KRCC1: variants seen among roughly 807,000 people sequenced by gnomAD.
The protein encoded by KRCC1 is lysine rich coiled-coil 1.
In KRCC1, 3 loss-of-function variants were observed where a neutral mutation model predicts 7.4. The observed-to-expected ratio is 0.40, with a 90% confidence interval of 0.18 to 1.04. The LOEUF is 1.04. Among genes scored for constraint, KRCC1 ranks in the 50% least tolerant of loss-of-function variants. The pLI is 0.33. For missense variants in KRCC1, 277 were observed against 300.9 expected (o/e 0.92, Z 0.59); for synonymous variants, 102 against 101.6 (o/e 1.00, Z -0.02).
intron 1 of KRCC1, 149 bp downstream of exon 1, chr2:88,055,477 G>C (rs1383962142): frequency 6.6e-6 from 1 of 152,102 alleles, no homozygotes; most frequent in Non-Finnish European, 1.5e-5. Context: ...CGGCCGGTGA[G>C]GGGTGCGCGG....
intron 3 of KRCC1, among the ~76,000 whole-genome samples, chr2:88,029,600 A>G (rs1373528931): frequency 6.6e-6 from 1 of 151,950 alleles, no homozygotes; most frequent in Non-Finnish European, 1.5e-5. Context: ...CTCTTAAAGT[A>G]CTGGTGAGAG....
chr2:88,051,655 A>G (rs1024221208), intron 1 of KRCC1, among the ~76,000 whole-genome samples: 3 of 152,206 alleles, frequency 2.0e-5, no homozygotes, highest in Non-Finnish European at 2.9e-5. Flanking sequence ...GGTAACAATT[A>G]TATTGTTTTT....
chr2:88,032,521 C>T (rs1184979639), intron 3 of KRCC1, among the ~76,000 whole-genome samples: 1 of 152,054 alleles, frequency 6.6e-6, no homozygotes, highest in Non-Finnish European at 1.5e-5. Flanking sequence ...GATGTTTGCC[C>T]AATGAGAAAA....
rs1046409737 is a variant in KRCC1 at position 88,040,035 on chromosome 2, C to A, written c.-290-2984G>T. On this transcript the variant is annotated intron_variant, in intron 1 of 3. Transcript: ENST00000347055. ...AATCTTTAATAAGAACAGGTAAATACTGTCTTTTGGTGACAAACAAATCAG... is the reference window on the plus strand; with the variant it reads ...AATCTTTAATAAGAACAGGTAAATAATGTCTTTTGGTGACAAACAAATCAG... Among the ~76,000 whole-genome samples the A allele has an allele frequency of 6.6e-5, 10 of 152,114 alleles. No homozygotes were observed. In the East Asian group the frequency reaches 1.7e-3, roughly 26 times the overall value.
chr2:88,027,751 A>G lies in KRCC1; in HGVS notation c.*33T>C. On this transcript the variant is annotated 3_prime_UTR_variant, in exon 4 of 4. Coordinates refer to ENST00000347055, the MANE Select transcript of KRCC1 (RefSeq NM_016618.3). ...AAACCAAGCTCTCACCTATTTTTTCAATTTAACTTTGGGAGAACCAACTTT... is the reference window on the plus strand; with the variant it reads ...AAACCAAGCTCTCACCTATTTTTTCGATTTAACTTTGGGAGAACCAACTTT... 2.6e-6 allele frequency: 4 copies of G among 1,536,274 alleles called. No homozygotes were observed. The highest frequency in any genetic ancestry group is 3.5e-6 in the Non-Finnish European group (4 of 1,147,176).
chr2:88,036,575 T>C, intron 2 of KRCC1, among the ~76,000 whole-genome samples: 1 of 152,172 alleles, frequency 6.6e-6, no homozygotes, highest in Non-Finnish European at 1.5e-5. Context: ...GTTGTAACCT[T>C]TGATTAATTT....
chr2:88,051,671 T>C (rs1673490557), intron 1 of KRCC1, among the ~76,000 whole-genome samples: 1 of 152,240 alleles, frequency 6.6e-6, no homozygotes, highest in African/African-American at 2.4e-5. Context: ...TTTTTGAAAT[T>C]CTAGTGAATA....
At chr2:88,054,770 T>C (rs1673575237) in intron 1 of KRCC1, among the ~76,000 whole-genome samples, 1 of 152,212 alleles carries the variant, frequency 6.6e-6, no homozygotes, top group Non-Finnish European at 1.5e-5. Flanking sequence ...TTTCAACGCT[T>C]TAACGTCCAG....
intron 1 of KRCC1, among the ~76,000 whole-genome samples, chr2:88,051,932 T>C (rs1422560894): frequency 6.6e-6 from 1 of 152,250 alleles, no homozygotes; most frequent in Non-Finnish European, 1.5e-5. Flanking sequence ...GGATAATCCA[T>C]TGCTGTGTGA....
At chr2:88,047,122 A>G (rs7560506) in intron 1 of KRCC1, among the ~76,000 whole-genome samples, 138,227 of 152,314 alleles carry the variant, frequency 0.91, 63,066 homozygotes, top group East Asian at 1. Flanking sequence ...ACTAGGAATC[A>G]TTCTACTTTT....
chr2:88,048,086 A>ATTTTT (rs56138611), intron 1 of KRCC1, among the ~76,000 whole-genome samples: 5 of 146,898 alleles, frequency 3.4e-5, no homozygotes, highest in African/African-American at 7.5e-5. Context: ...TTTTCAGTGT[A>ATTTTT]TTTTTTTTTT....
chr2:88,042,194 G>A (rs956102932), intron 1 of KRCC1, among the ~76,000 whole-genome samples: 4 of 151,834 alleles, frequency 2.6e-5, no homozygotes, highest in African/African-American at 9.7e-5. Flanking sequence ...CTGAGTAGCT[G>A]GGACTACAGG....
At chr2:88,051,015 C>T (rs1673470182) in intron 1 of KRCC1, among the ~76,000 whole-genome samples, 1 of 151,500 alleles carries the variant, frequency 6.6e-6, no homozygotes, top group Non-Finnish European at 1.5e-5. Flanking sequence ...CCTCGACCTC[C>T]TGGATTCAAG....
At chr2:88,052,366 G>C (rs895228206) in intron 1 of KRCC1, among the ~76,000 whole-genome samples, 1 of 152,202 alleles carries the variant, frequency 6.6e-6, no homozygotes, top group African/African-American at 2.4e-5. Context: ...TACATTATCA[G>C]AACACTGACT....
intron 1 of KRCC1, among the ~76,000 whole-genome samples, chr2:88,041,565 A>G (rs989017970): frequency 1.3e-5 from 2 of 152,212 alleles, no homozygotes; most frequent in African/African-American, 4.8e-5. Flanking sequence ...TTACAAATTA[A>G]AACAGTTGGG....
chr2:88,053,092 A>G (rs971122448), intron 1 of KRCC1, among the ~76,000 whole-genome samples: 2 of 151,630 alleles, frequency 1.3e-5, no homozygotes, highest in South Asian at 4.2e-4. Flanking sequence ...AACCTAAAAT[A>G]TCTCCGCATT....
chr2:88,042,058 CTT>C (rs5832712), intron 1 of KRCC1, among the ~76,000 whole-genome samples: 4,841 of 111,304 alleles, frequency 0.043, 187 homozygotes, highest in East Asian at 0.13. Context: ...AGACCATTAT[CTT>C]TTTTTTTTTT....
At chr2:88,031,631 A>C (rs540263999) in intron 3 of KRCC1, among the ~76,000 whole-genome samples, 1 of 151,968 alleles carries the variant, frequency 6.6e-6, no homozygotes, top group East Asian at 1.9e-4. Flanking sequence ...CAAAAAAATA[A>C]AAAAATAAAA....
intron 1 of KRCC1, among the ~76,000 whole-genome samples, chr2:88,044,328 A>G (rs1312508328): frequency 6.6e-6 from 1 of 152,030 alleles, no homozygotes; most frequent in African/African-American, 2.4e-5. Flanking sequence ...ACAACGCAGC[A>G]GGGATCACTT....
Sources: allele counts gnomAD v4.1 joint callset (sites outside exome capture counted in the v4.1 genomes callset), GRCh38; gene constraint gnomAD v4.1.1; transcripts MANE v1.5; gene names NCBI Gene and HGNC (gene_info 2026-07-23, HGNC 2026-07-21).